SCHIP1: variants seen among roughly 807,000 people sequenced by gnomAD.
SCHIP1 encodes schwannomin interacting protein 1, also known as schwannomin-interacting protein 1.
A neutral mutation model predicts 29.7 loss-of-function variants in SCHIP1; 8 were observed. The ratio of observed to expected loss-of-function variants is 0.27; its 90% confidence interval spans 0.16 to 0.49. SCHIP1 has a LOEUF of 0.49. Ranked by LOEUF, SCHIP1 falls within the 20% of genes least tolerant of loss-of-function variation. SCHIP1 has a pLI of 0.99. For synonymous variants in SCHIP1, 76 were observed against 94.9 expected (o/e 0.80, Z 1.16); for missense variants, 193 against 294.6 (o/e 0.66, Z 2.52).
the SCHIP1 span, among the ~76,000 whole-genome samples, chr3:159,277,186 T>C: frequency 1.3e-5 from 2 of 152,312 alleles, no homozygotes; most frequent in South Asian, 2.1e-4. Flanking sequence ...GGTTTCATTT[T>C]GTGTGCTTTG....
At chr3:159,480,526 T>C in the SCHIP1 span, among the ~76,000 whole-genome samples, 1 of 152,204 alleles carries the variant, frequency 6.6e-6, no homozygotes, top group Non-Finnish European at 1.5e-5. Context: ...ATATAAAATA[T>C]AATTTCTTTG....
the SCHIP1 span, among the ~76,000 whole-genome samples, chr3:159,688,767 T>C: frequency 3.9e-5 from 6 of 152,232 alleles, no homozygotes; most frequent in Admixed American, 1.3e-4. Flanking sequence ...CTTGAGTTGA[T>C]TTTTGTATAA....
At chr3:159,878,324 A>G (rs1430249936) in intron 2 of SCHIP1, among the ~76,000 whole-genome samples, 1 of 152,110 alleles carries the variant, frequency 6.6e-6, no homozygotes, top group Non-Finnish European at 1.5e-5. Flanking sequence ...CTAAAAATGC[A>G]AAAGATAGCT....
the SCHIP1 span, among the ~76,000 whole-genome samples, chr3:159,365,475 A>C: frequency 2.0e-5 from 3 of 152,158 alleles, no homozygotes; most frequent in Non-Finnish European, 4.4e-5. Context: ...CTATATATAT[A>C]AAACATATGT....
upstream of SCHIP1, among the ~76,000 whole-genome samples, chr3:159,836,027 G>C (rs7615816): frequency 0.14 from 20,609 of 152,038 alleles, 1,434 homozygotes; most frequent in East Asian, 0.22. Context: ...GTAGACCCAC[G>C]CTGCAGCTTC....
chr3:159,605,088 A>G, the SCHIP1 span, among the ~76,000 whole-genome samples: 2 of 152,368 alleles, frequency 1.3e-5, no homozygotes, highest in East Asian at 3.9e-4. Context: ...CTGATCCAAA[A>G]TGACAAGTAG....
At chr3:159,286,939 T>C in the SCHIP1 span, among the ~76,000 whole-genome samples, 1 of 152,172 alleles carries the variant, frequency 6.6e-6, no homozygotes. Flanking sequence ...TGATGGTTTG[T>C]TTAAGTTCTT....
the SCHIP1 span, among the ~76,000 whole-genome samples, chr3:159,543,649 G>A: frequency 2.1e-4 from 32 of 151,614 alleles, no homozygotes; most frequent in African/African-American, 6.8e-4. Context: ...CCAAGTCTTC[G>A]CTATTGTGAA....
chr3:159,393,822 T>G, the SCHIP1 span, among the ~76,000 whole-genome samples: 427 of 152,200 alleles, frequency 2.8e-3, 3 homozygotes, highest in African/African-American at 9.8e-3. Flanking sequence ...CATATGAACT[T>G]TAAAGTAGTT....
intron 1 of SCHIP1, chr3:159,853,326 C>A: frequency 1.5e-6 from 1 of 666,014 alleles, no homozygotes; most frequent in Non-Finnish European, 2.7e-6. Context: ...GCACATCAGC[C>A]TATCAGAATT....
the SCHIP1 span, chr3:159,274,317 T>C: frequency 1.3e-5 from 13 of 981,398 alleles, no homozygotes; most frequent in African/African-American, 1.9e-4. Flanking sequence ...ATTTAGATTA[T>C]ACTTTCAGTT....
the SCHIP1 span, among the ~76,000 whole-genome samples, chr3:159,624,776 G>A: frequency 6.6e-6 from 1 of 152,116 alleles, no homozygotes; most frequent in African/African-American, 2.4e-5. Flanking sequence ...AGGGCCCCAA[G>A]GAAGAACTAG....
At chr3:159,423,087 C>T in the SCHIP1 span, among the ~76,000 whole-genome samples, 135 of 152,224 alleles carry the variant, frequency 8.9e-4, no homozygotes, top group Non-Finnish European at 1.6e-3. Context: ...CCAAGATGGC[C>T]GAATAGGAAC....
At chr3:159,494,817 A>C in the SCHIP1 span, among the ~76,000 whole-genome samples, 31 of 152,352 alleles carry the variant, frequency 2.0e-4, no homozygotes, top group African/African-American at 7.2e-4. Flanking sequence ...AGAGAATTTT[A>C]TACCAATATC....
At chr3:159,716,681 A>T in the SCHIP1 span, among the ~76,000 whole-genome samples, 3,710 of 152,312 alleles carry the variant, frequency 0.024, 76 homozygotes, top group African/African-American at 0.052. Flanking sequence ...TTCAACAAGA[A>T]GCGCTAACTA....
intron 2 of SCHIP1, among the ~76,000 whole-genome samples, chr3:159,879,581 C>T (rs1331778454): frequency 6.6e-6 from 1 of 152,190 alleles, no homozygotes; most frequent in Non-Finnish European, 1.5e-5. Flanking sequence ...AAGTAGATAA[C>T]ATTTGCTGCC....
chr3:159,701,156 T>C, the SCHIP1 span, among the ~76,000 whole-genome samples: 2 of 152,240 alleles, frequency 1.3e-5, no homozygotes, highest in Non-Finnish European at 2.9e-5. Flanking sequence ...CATCTCTATC[T>C]ACAGAAGGAA....
At chr3:159,419,806 T>C in the SCHIP1 span, among the ~76,000 whole-genome samples, 1 of 151,884 alleles carries the variant, frequency 6.6e-6, no homozygotes, top group Admixed American at 6.6e-5. Context: ...CTAAACTCCA[T>C]CTTAAGAAAA....
At chr3:159,659,276 T>C in the SCHIP1 span, among the ~76,000 whole-genome samples, 2 of 152,208 alleles carry the variant, frequency 1.3e-5, no homozygotes, top group Admixed American at 6.5e-5. Context: ...CATGCTGTGG[T>C]GATCCGACTG....
Sources: allele counts gnomAD v4.1 joint callset (sites outside exome capture counted in the v4.1 genomes callset), GRCh38; gene constraint gnomAD v4.1.1; transcripts MANE v1.5; gene names NCBI Gene and HGNC (gene_info 2026-07-23, HGNC 2026-07-21).